The following ENOX1 variants were observed in gnomAD, a reference collection of about 807,000 sequenced individuals.
ENOX1 encodes candidate growth-related and time keeping constitutive hydroquinone (NADH) oxidase.
ENOX1 carries 42 observed loss-of-function variants against 82.5 expected under a neutral mutation model. The observed-to-expected ratio is 0.51, with a 90% CI of 0.40 to 0.66. The LOEUF is 0.66. ENOX1 is among the 30% of genes least tolerant of loss of function. The probability of loss-of-function intolerance (pLI) is 0.00; values close to 1 mark genes in which losing one functional copy is unlikely to be tolerated. For synonymous variants in ENOX1, 271 were observed against 282.2 expected, an observed-to-expected ratio of 0.96 and a Z score of 0.40; for missense variants, 608 against 811.6, an observed-to-expected ratio of 0.75 and a Z score of 3.05.
At chr13:43,769,808 G>T (rs1233967303) in intron 1 of ENOX1, among the ~76,000 whole-genome samples, 1 of 152,186 alleles carries the variant, frequency 6.6e-6, no homozygotes, top group Non-Finnish European at 1.5e-5. Context: ...CAGAGAAATT[G>T]TGACACCTGA....
intron 2 of ENOX1, among the ~76,000 whole-genome samples, chr13:43,515,983 A>G (rs1362099423): frequency 6.6e-6 from 1 of 152,160 alleles, no homozygotes; most frequent in Non-Finnish European, 1.5e-5. Flanking sequence ...CACTAATTAT[A>G]CTAACCTATA....
intron 1 of ENOX1, among the ~76,000 whole-genome samples, chr13:43,731,010 G>A (rs1369489189): frequency 6.6e-6 from 1 of 152,156 alleles, no homozygotes; most frequent in Non-Finnish European, 1.5e-5. Flanking sequence ...CTTGGGGGCA[G>A]AGGCAGTTTC....
chr13:43,292,687 C>T (rs533618598), intron 12 of ENOX1, among the ~76,000 whole-genome samples: 25 of 152,172 alleles, frequency 1.6e-4, no homozygotes, highest in Non-Finnish European at 1.8e-4. Context: ...CTAAAGCTTT[C>T]TAATCATTAA....
intron 2 of ENOX1, among the ~76,000 whole-genome samples, chr13:43,587,668 C>A (rs1255969005): frequency 1.3e-5 from 2 of 152,124 alleles, no homozygotes; most frequent in African/African-American, 4.8e-5. Flanking sequence ...GACAGTATAG[C>A]TCATCTTGAC....
chr13:43,636,088 C>T (rs2083404031), intron 2 of ENOX1, among the ~76,000 whole-genome samples: 1 of 152,162 alleles, frequency 6.6e-6, no homozygotes, highest in African/African-American at 2.4e-5. Context: ...CTGTCCTACA[C>T]CACCTCAGGC....
intron 2 of ENOX1, among the ~76,000 whole-genome samples, chr13:43,653,272 T>G (rs771681952): frequency 6.6e-6 from 1 of 152,212 alleles, no homozygotes; most frequent in Non-Finnish European, 1.5e-5. Flanking sequence ...CAACACCTAA[T>G]TGAAACCCAT....
chr13:43,288,036 G>A (rs1043451244), intron 12 of ENOX1, among the ~76,000 whole-genome samples: 1 of 152,164 alleles, frequency 6.6e-6, no homozygotes, highest in African/African-American at 2.4e-5. Context: ...ACCTTGAACA[G>A]CCTAAAGAAA....
chr13:43,534,070 G>A (rs2153690066), intron 2 of ENOX1, among the ~76,000 whole-genome samples: 1 of 152,250 alleles, frequency 6.6e-6, no homozygotes, highest in South Asian at 2.1e-4. Flanking sequence ...CCAAAAATTT[G>A]CACTGGCTTT....
chr13:43,662,753 GC>G, intron 2 of ENOX1, among the ~76,000 whole-genome samples: 1 of 152,250 alleles, frequency 6.6e-6, no homozygotes, highest in East Asian at 1.9e-4. Context: ...ATTAATAAAT[GC>G]AAGAAGCTGC....
chr13:43,670,446 G>A (rs1275477766), intron 1 of ENOX1, among the ~76,000 whole-genome samples: 1 of 152,192 alleles, frequency 6.6e-6, no homozygotes, highest in East Asian at 1.9e-4. Flanking sequence ...TACCATATAT[G>A]CCCCTGAAAT....
At chr13:43,222,499 G>A (rs1327471278) in intron 16 of ENOX1, among the ~76,000 whole-genome samples, 4 of 152,114 alleles carry the variant, frequency 2.6e-5, no homozygotes, top group African/African-American at 9.7e-5. Flanking sequence ...TTTGATAAAC[G>A]ACAAGTGGAT....
At chr13:43,249,018 G>A (rs1490298857) in intron 14 of ENOX1, among the ~76,000 whole-genome samples, 1 of 152,088 alleles carries the variant, frequency 6.6e-6, no homozygotes, top group Non-Finnish European at 1.5e-5. Context: ...TAAATACTAA[G>A]AGGATCACTG....
intron 2 of ENOX1, among the ~76,000 whole-genome samples, chr13:43,618,162 T>C (rs968672568): frequency 2.0e-5 from 3 of 152,226 alleles, no homozygotes; most frequent in Admixed American, 6.5e-5. Flanking sequence ...GTCAGATGTA[T>C]AGACTGTGAA....
In ENOX1 at chr13:43,332,560, T is replaced by TG. The variant is rs1491120451; in HGVS notation, c.1037-6036_1037-6035insC. Among the ~76,000 whole-genome samples, 580 of 152,240 alleles carry TG rather than the reference T, an allele frequency of 3.8e-3. 2 individuals are homozygous for TG. Among genetic ancestry groups the TG allele is most frequent in the African/African-American group, 0.013 (557 of 41,550 alleles). On this transcript the variant is annotated intron_variant, in intron 9 of 16. Transcript: ENST00000690772. ...TCACAGTATATAAAAAAACAGGATG[T>TG]TTTAAGCAAATTTCAAGCAAGCAAG...
chr13:43,316,034 C>A (rs2047461716), intron 11 of ENOX1, among the ~76,000 whole-genome samples: 1 of 152,186 alleles, frequency 6.6e-6, no homozygotes, highest in Non-Finnish European at 1.5e-5. Flanking sequence ...GCGTCAGTGG[C>A]TCTCCCTTTG....
intron 2 of ENOX1, among the ~76,000 whole-genome samples, chr13:43,666,545 G>A (rs2084989697): frequency 6.8e-6 from 1 of 146,178 alleles, no homozygotes; most frequent in African/African-American, 2.8e-5. Flanking sequence ...GCCTGAGGCT[G>A]CCAGAAGGTA....
intron 2 of ENOX1, among the ~76,000 whole-genome samples, chr13:43,621,928 C>G (rs945179236): frequency 2.6e-5 from 4 of 152,176 alleles, no homozygotes; most frequent in Non-Finnish European, 5.9e-5. Flanking sequence ...CCCCAGACTT[C>G]TTGGATGCTC....
intron 3 of ENOX1, among the ~76,000 whole-genome samples, chr13:43,415,528 G>A (rs1017775254): frequency 3.9e-5 from 6 of 152,108 alleles, no homozygotes; most frequent in Non-Finnish European, 2.9e-5. Flanking sequence ...ACCCTGAGTT[G>A]ACACAGCACA....
chr13:43,768,413 G>A (rs563471514), intron 1 of ENOX1, among the ~76,000 whole-genome samples: 2 of 152,110 alleles, frequency 1.3e-5, no homozygotes, highest in African/African-American at 4.8e-5. Context: ...ACCAGCCTGG[G>A]CAACATAGTG....
Sources: allele counts gnomAD v4.1 joint callset (sites outside exome capture counted in the v4.1 genomes callset), GRCh38; gene constraint gnomAD v4.1.1; transcripts MANE v1.5; gene names NCBI Gene and HGNC (gene_info 2026-07-23, HGNC 2026-07-21).